The following EIF3I variants were observed in gnomAD, a reference collection of about 807,000 sequenced individuals.
EIF3I encodes the protein TGF-beta receptor-interacting protein 1.
In EIF3I, 20 loss-of-function variants were observed where a neutral mutation model predicts 43.3. The observed-to-expected ratio is 0.46, with a 90% CI of 0.32 to 0.67. The LOEUF is 0.67. Ranked by LOEUF, EIF3I falls within the 30% of genes least tolerant of loss-of-function variation. The probability of loss-of-function intolerance (pLI) is 0.03; values close to 1 mark genes in which losing one functional copy is unlikely to be tolerated. For synonymous variants in EIF3I, 167 were observed against 151.7 expected, an observed-to-expected ratio of 1.10 and a Z score of -0.74; for missense variants, 279 against 421.4, an observed-to-expected ratio of 0.66 and a Z score of 2.96.
chr1:32,224,196 G>A (rs1303340583), intron 3 of EIF3I, 75 bp downstream of exon 3: 2 of 1,476,082 alleles, frequency 1.4e-6, no homozygotes, highest in Non-Finnish European at 9.5e-7. Flanking sequence ...GGAGTTGGGA[G>A]TTGGGGGTGC....
rs538856103 is a variant in EIF3I, at chr1:32,228,705, C to A, written c.640-22C>A. On this transcript the variant is annotated intron_variant, in intron 7 of 11. Coordinates refer to ENST00000676679, the Ensembl canonical transcript of EIF3I. The stretch of plus-strand genomic sequence containing the variant: ...CCCCAGGAAAGCTCTTTACAGATTT[C>A]CCCCCTGCCTTCTCTCTCCAGCTTT... 6 of 1,602,032 alleles carry A rather than the reference C, an allele frequency of 3.7e-6. No homozygotes were observed. The South Asian group carries it at 4.4e-5, about 12-fold the overall frequency.
At chr1:32,235,541 G>A (rs1639289384), downstream of EIF3I, among the ~76,000 whole-genome samples, 1 of 152,080 alleles carries the variant, frequency 6.6e-6, no homozygotes, top group South Asian at 2.1e-4. Context: ...GAATGGTCTC[G>A]GACTCCTGAC....
At chr1:32,232,690 G>C (rs1569866451), downstream of EIF3I, among the ~76,000 whole-genome samples, 4 of 152,232 alleles carry the variant, frequency 2.6e-5, no homozygotes, top group Admixed American at 1.3e-4. Context: ...ATGAAGACGG[G>C]GGGAGGGCCT....
chr1:32,222,983 A>G (rs1293995857), intron 2 of EIF3I, among the ~76,000 whole-genome samples: 3 of 152,176 alleles, frequency 2.0e-5, no homozygotes, highest in Non-Finnish European at 4.4e-5. Context: ...GGTCTCAGCT[A>G]CTTCGGAGTC....
chr1:32,228,886 A>C, intron 8 of EIF3I, 70 bp downstream of exon 8: 1 of 1,345,004 alleles, frequency 7.4e-7, no homozygotes, highest in Non-Finnish European at 1.1e-6. Context: ...CTTGTCCAGA[A>C]GTTGGGCTAC....
At position 32,226,463 on chromosome 1, in the gene EIF3I, G is replaced by A; in HGVS notation, c.461G>A (p.Trp154Ter). 1 of 1,599,838 alleles carries A rather than the reference G, an allele frequency of 6.3e-7. No individual in the cohort carries two copies. Among genetic ancestry groups the A allele is most frequent in the Non-Finnish European group, 8.5e-7 (1 of 1,173,362 alleles). Reference sequence around the variant, plus strand: ...GACTCTAAAATCACCAGTGCTGTTTGGGGACCCCTGGGGGAGTGCATCATC... The same window carrying A: ...GACTCTAAAATCACCAGTGCTGTTTAGGGACCCCTGGGGGAGTGCATCATC... The change falls in exon 6 of 12, where the codon TGG becomes TAG. Residue 154 changes from tryptophan (W) to a stop codon, truncating the protein, a stop_gained. Transcript: ENST00000676679. LOFTEE classifies it high-confidence loss of function.
rs16834934 is a variant in EIF3I at position 32,227,811 on chromosome 1, T to A, written c.529-688T>A. 5.1e-3 allele frequency among the ~76,000 whole-genome samples: 783 copies of A among 152,296 alleles called. 6 individuals carry two copies. Among genetic ancestry groups the A allele is most frequent in the African/African-American group, 0.018 (750 of 41,572 alleles). ...TAAGGATCACAAATGAGCATTTCCT[T>A]GCCACCACTGAGTATAATGCCCTGT... On this transcript the variant is annotated intron_variant, in intron 6 of 11. Transcript: ENST00000676679.
chr1:32,228,674 G>T lies in EIF3I; in HGVS notation c.640-53G>T, dbSNP rs112005192. Reference sequence around the variant, plus strand: ...TCCGGCTGCACAGCTCACCCTGCCCGACTTCCCCCAGGAAAGCTCTTTACA... The same window carrying T: ...TCCGGCTGCACAGCTCACCCTGCCCTACTTCCCCCAGGAAAGCTCTTTACA... On this transcript the variant is annotated intron_variant, in intron 7 of 11. Coordinates refer to ENST00000676679, the Ensembl canonical transcript of EIF3I. 8.2e-5 allele frequency: 132 copies of T among 1,605,242 alleles called. 2 individuals carry two copies. The African/African-American group carries it at 1.4e-3, about 17-fold the overall frequency.
At chr1:32,231,072 C>T (rs1316923570) in intron 11 of EIF3I, 43 bp from the exon 11 acceptor site, 1 of 1,613,588 alleles carries the variant, frequency 6.2e-7, no homozygotes, top group African/African-American at 1.3e-5. Flanking sequence ...CTCTGCCTTT[C>T]CCAGAGTAAG....
At chr1:32,234,103 G>C (rs1351660933), downstream of EIF3I, 1 of 152,026 alleles carries the variant, frequency 6.6e-6, no homozygotes, top group African/African-American at 2.4e-5. Context: ...TTTGAGATCA[G>C]ACTGGCCAAT....
Position 32,231,084 on chromosome 1 carries a change from ACCTGACTGGTG to A in EIF3I, c.1008-26_1008-16del, listed in dbSNP as rs1639228095. 6.2e-7 allele frequency: 1 copy of A among 1,613,604 alleles called. No homozygotes were observed. ...GGTCTCTGCCTTTCCCAGAGTAAGC[ACCTGACTGGTG>A]CCTGGCTATCTTTTTCCAGCTACAG... On this transcript the variant is annotated intron_variant, in intron 11 of 11. Coordinates refer to ENST00000676679, the Ensembl canonical transcript of EIF3I.
chr1:32,230,847 A>G, intron 10 of EIF3I, 80 bp from the exon 10 acceptor site: 2 of 990,490 alleles, frequency 2.0e-6, no homozygotes, highest in Non-Finnish European at 3.1e-6. Context: ...AATAATAACA[A>G]TTTGCATTTG....
Position 32,231,265 on chromosome 1 carries a change from C to A in EIF3I, c.*69C>A, listed in dbSNP as rs946581570. ...CCCACCACTTTTTTTTTAAGGCAGG[C>A]GGATCACCTGAGGTCAGGAGTTTAA... is the stretch of plus-strand genomic sequence containing the variant. On this transcript the variant is annotated 3_prime_UTR_variant, in exon 12 of 12. Transcript: ENST00000676679. 16 of 1,424,534 alleles carry A rather than the reference C, an allele frequency of 1.1e-5. No individual in the cohort carries two copies. The Admixed American group carries it at 1.4e-4, about 13-fold the overall frequency. 88.2% of individuals were successfully genotyped at this position (1,424,534 alleles called of 1,614,324 possible).
At chr1:32,224,357 C>T in intron 3 of EIF3I, 53 bp from the exon 4 acceptor site, 2 of 1,509,480 alleles carry the variant, frequency 1.3e-6, no homozygotes, top group South Asian at 2.3e-5. Context: ...CTTGGCATCC[C>T]AAGAGGACAA....
chr1:32,224,206 C>A, intron 3 of EIF3I, 85 bp downstream of exon 3: 1 of 1,361,630 alleles, frequency 7.3e-7, no homozygotes, highest in Non-Finnish European at 1.1e-6. Context: ...GTTGGGGGTG[C>A]TGTTGAGGGC....
intron 4 of EIF3I, among the ~76,000 whole-genome samples, chr1:32,225,198 A>T (rs550410082): frequency 6.6e-6 from 1 of 151,524 alleles, no homozygotes; most frequent in East Asian, 2.0e-4. Context: ...CTGGTCTCGA[A>T]CTCCTCAGCT....
chr1:32,229,379 G>A (rs984661966), intron 9 of EIF3I, among the ~76,000 whole-genome samples, 171 bp downstream of exon 9: 1 of 151,970 alleles, frequency 6.6e-6, no homozygotes, highest in Non-Finnish European at 1.5e-5. Context: ...TCCTGCCTCA[G>A]CGGCCCAGGC....
chr1:32,228,337 G>A (rs1639180108), intron 6 of EIF3I, among the ~76,000 whole-genome samples, 162 bp from the exon 7 acceptor site: 1 of 152,178 alleles, frequency 6.6e-6, no homozygotes. Flanking sequence ...GTACATTACT[G>A]GACAGAGTCA....
intron 4 of EIF3I, 116 bp from the exon 5 acceptor site, chr1:32,226,055 T>G: frequency 7.4e-7 from 1 of 1,351,508 alleles, no homozygotes. Flanking sequence ...TTAAAATACT[T>G]TTTAAGTTTG....
Sources: gnomAD v4.1 joint callset for allele counts (sites outside exome capture counted in the v4.1 genomes callset) on GRCh38, gnomAD v4.1.1 for gene constraint, MANE v1.5 for transcripts, NCBI Gene and HGNC (gene_info 2026-07-23, HGNC 2026-07-21) for gene names.